GADL1: variants seen among roughly 807,000 people sequenced by gnomAD.
The protein encoded by GADL1 is acidic amino acid decarboxylase GADL1.
GADL1 carries 71 observed loss-of-function variants against 69.5 expected under a neutral mutation model. The observed-to-expected ratio is 1.02, with a 90% CI of 0.84 to 1.25. GADL1 has a LOEUF of 1.25. GADL1 is among the 50% of genes most tolerant of loss of function. The pLI, the probability that GADL1 is intolerant of heterozygous loss-of-function variation, is 0.00. For synonymous variants in GADL1, 254 were observed against 214.4 expected (o/e 1.18, Z -1.62); for missense variants, 737 against 631.8 (o/e 1.17, Z -1.79).
intron 14 of GADL1, among the ~76,000 whole-genome samples, chr3:30,756,111 G>GA (rs1695964002): frequency 6.6e-6 from 1 of 152,174 alleles, no homozygotes; most frequent in Admixed American, 6.5e-5. Flanking sequence ...CAGCAGCAGA[G>GA]ATGAAATGAC....
intron 11 of GADL1, among the ~76,000 whole-genome samples, chr3:30,830,511 T>C (rs1431791020): frequency 2.0e-5 from 3 of 151,988 alleles, no homozygotes; most frequent in East Asian, 3.9e-4. Flanking sequence ...TCACTCTTTC[T>C]GGTCTTCCCA....
intron 8 of GADL1, 50 bp from the exon 9 acceptor site, chr3:30,839,163 T>G: frequency 1.6e-6 from 2 of 1,215,202 alleles, no homozygotes; most frequent in Non-Finnish European, 2.3e-6. Flanking sequence ...TCACTAAATT[T>G]GTCCTGTAAT....
rs534741550 is a variant in GADL1, at chr3:30,828,460, C to T, written c.1050+5393G>A. On this transcript the variant is annotated intron_variant, in intron 11 of 14. Coordinates refer to ENST00000282538, the MANE Select transcript of GADL1 (RefSeq NM_207359.3). The stretch of plus-strand genomic sequence containing the variant: ...CTATCCCACTCTTTTTTCTGCTACT[C>T]CTTCTCCAAAAATAAAAGTGGGGGG... 7.9e-4 allele frequency among the ~76,000 whole-genome samples: 103 copies of T among 130,342 alleles called. 1 individual carries two copies. In the South Asian group the frequency reaches 0.025, roughly 31 times the overall value. 85.5% of individuals were successfully genotyped at this position (130,342 alleles called of 152,430 possible).
intron 4 of GADL1, among the ~76,000 whole-genome samples, chr3:30,851,168 G>GC (rs1442854893): frequency 6.6e-6 from 1 of 152,152 alleles, no homozygotes; most frequent in African/African-American, 2.4e-5. Flanking sequence ...AGTTGCTGCA[G>GC]CAGTCTTTCG....
chr3:30,781,867 A>G (rs985338359), intron 13 of GADL1, among the ~76,000 whole-genome samples: 1 of 152,210 alleles, frequency 6.6e-6, no homozygotes, highest in Admixed American at 6.5e-5. Context: ...ATGTCTTTTA[A>G]AGTGGATGAG....
At chr3:30,871,100 C>T (rs17026715) in intron 1 of GADL1, among the ~76,000 whole-genome samples, 27,029 of 145,620 alleles carry the variant, frequency 0.19, 2,986 homozygotes, top group East Asian at 0.4. Context: ...TCAAGTACTT[C>T]TGTTTGTCCA....
At chr3:30,883,847 T>C (rs1014600218) in intron 1 of GADL1, among the ~76,000 whole-genome samples, 1 of 152,004 alleles carries the variant, frequency 6.6e-6, no homozygotes. Context: ...AGTGTATAAG[T>C]CTTTAATCTC....
At chr3:30,734,011 A>G (rs1695505540) in intron 14 of GADL1, among the ~76,000 whole-genome samples, 4 of 152,192 alleles carry the variant, frequency 2.6e-5, no homozygotes, top group African/African-American at 9.6e-5. Flanking sequence ...CTGATTAACC[A>G]TCTGAGAAAA....
chr3:30,841,868 T>TA (rs1284784810), intron 8 of GADL1, among the ~76,000 whole-genome samples: 1 of 151,996 alleles, frequency 6.6e-6, no homozygotes, highest in East Asian at 1.9e-4. Context: ...TCCCTGGTTT[T>TA]AAAAAAAGAA....
intron 14 of GADL1, among the ~76,000 whole-genome samples, chr3:30,743,068 A>G (rs1383377996): frequency 6.6e-6 from 1 of 152,096 alleles, no homozygotes; most frequent in Non-Finnish European, 1.5e-5. Context: ...AAAATGCTAC[A>G]TAAATTTTTT....
intron 11 of GADL1, among the ~76,000 whole-genome samples, chr3:30,828,784 T>C (rs1697736236): frequency 1.3e-5 from 2 of 151,934 alleles, no homozygotes; most frequent in African/African-American, 4.8e-5. Flanking sequence ...TACACACATA[T>C]GCACATATAT....
At chr3:30,751,281 T>C (rs1030999256) in intron 14 of GADL1, among the ~76,000 whole-genome samples, 3 of 152,160 alleles carry the variant, frequency 2.0e-5, no homozygotes, top group East Asian at 1.9e-4. Context: ...GTGGGGGGTG[T>C]TGCCAATTCT....
intron 11 of GADL1, among the ~76,000 whole-genome samples, chr3:30,802,369 C>A (rs1697181093): frequency 6.6e-6 from 1 of 152,164 alleles, no homozygotes; most frequent in South Asian, 2.1e-4. Flanking sequence ...ACAATGATTC[C>A]ACTCTCAATG....
Position 30,757,412 on chromosome 3 carries a change from A to G in GADL1, c.1392+20767T>C, listed in dbSNP as rs117736718. ...AAGCCTATAAAAAGCATAAATGCTT[A>G]GGACAATTCGCATGGAAAGTGAAAA... On this transcript the variant is annotated intron_variant, in intron 14 of 14. Transcript: ENST00000282538. Among the ~76,000 whole-genome samples the G allele has an allele frequency of 4.9e-4, 75 of 152,340 alleles. 2 individuals are homozygous for G. In the East Asian group the frequency reaches 0.013, roughly 27 times the overall value.
At chr3:30,731,593 T>G (rs1231529054) in intron 14 of GADL1, among the ~76,000 whole-genome samples, 3 of 152,224 alleles carry the variant, frequency 2.0e-5, no homozygotes, top group Non-Finnish European at 2.9e-5. Flanking sequence ...CTTGCTCTTG[T>G]GTAAAGCGCA....
chr3:30,752,822 A>T (rs113019362), intron 14 of GADL1, among the ~76,000 whole-genome samples: 16 of 151,892 alleles, frequency 1.1e-4, no homozygotes, highest in East Asian at 7.8e-4. Context: ...GGAAGACAAG[A>T]GTTTTCTATT....
At chr3:30,877,402 C>T (rs1698592243) in intron 1 of GADL1, among the ~76,000 whole-genome samples, 1 of 151,810 alleles carries the variant, frequency 6.6e-6, no homozygotes, top group South Asian at 2.1e-4. Context: ...CTTTTTTGTG[C>T]CATCAACTTG....
chr3:30,758,972 C>G (rs796732594), intron 14 of GADL1, among the ~76,000 whole-genome samples: 1 of 152,176 alleles, frequency 6.6e-6, no homozygotes, highest in African/African-American at 2.4e-5. Flanking sequence ...AACTCTCTTG[C>G]AGTTAGTCTG....
At chr3:30,734,205 G>A (rs1270072100) in intron 14 of GADL1, among the ~76,000 whole-genome samples, 1 of 152,148 alleles carries the variant, frequency 6.6e-6, no homozygotes, top group Non-Finnish European at 1.5e-5. Context: ...GTCTCACATC[G>A]ATTTACATCT....
Sources: allele counts gnomAD v4.1 joint callset (sites outside exome capture counted in the v4.1 genomes callset), GRCh38; gene constraint gnomAD v4.1.1; transcripts MANE v1.5; gene names NCBI Gene and HGNC (gene_info 2026-07-23, HGNC 2026-07-21).